The following ZNF804B variants were observed in gnomAD, a reference collection of about 807,000 sequenced individuals.
ZNF804B encodes the protein zinc finger 804B.
ZNF804B carries 80 observed loss-of-function variants against 101.4 expected under a neutral mutation model. The ratio of observed to expected loss-of-function variants is 0.79; its 90% CI spans 0.66 to 0.95. The LOEUF is 0.95. ZNF804B is among the 40% of genes least tolerant of loss of function. The probability of loss-of-function intolerance (pLI) is 0.00; values close to 1 mark genes in which losing one functional copy is unlikely to be tolerated. For missense variants in ZNF804B, 1,673 were observed against 1,561.9 expected (o/e 1.07, Z -1.20); for synonymous variants, 622 against 558.8 (o/e 1.11, Z -1.59).
intron 2 of ZNF804B, among the ~76,000 whole-genome samples, chr7:89,323,996 G>C (rs962972977): frequency 2.0e-5 from 3 of 152,000 alleles, no homozygotes; most frequent in African/African-American, 7.2e-5. Context: ...AAAACATGAG[G>C]CTGGCAAAAT....
chr7:89,178,006 C>T (rs1022724493), intron 1 of ZNF804B, among the ~76,000 whole-genome samples: 2 of 151,522 alleles, frequency 1.3e-5, no homozygotes, highest in African/African-American at 4.8e-5. Flanking sequence ...GATGAATTGA[C>T]CCCTTTATCA....
At chr7:89,033,115 C>T (rs1210142004) in intron 1 of ZNF804B, among the ~76,000 whole-genome samples, 1 of 151,832 alleles carries the variant, frequency 6.6e-6, no homozygotes, top group Admixed American at 6.6e-5. Flanking sequence ...CATCACCCCC[C>T]ACCACTTCCA....
At chr7:88,972,557 C>G (rs1027361337) in intron 1 of ZNF804B, among the ~76,000 whole-genome samples, 3 of 151,206 alleles carry the variant, frequency 2.0e-5, no homozygotes, top group Middle Eastern at 3.4e-3. Flanking sequence ...AAAAAAGTCC[C>G]CTGTTAATTA....
At chr7:88,938,363 A>G (rs1793004078) in intron 1 of ZNF804B, among the ~76,000 whole-genome samples, 1 of 152,114 alleles carries the variant, frequency 6.6e-6, no homozygotes. Flanking sequence ...AAAAAGATCT[A>G]GCTATGTTAA....
Position 89,336,478 on chromosome 7 carries a change from C to T in ZNF804B, c.3496C>T (p.Gln1166Ter), listed in dbSNP as rs1252918578. 6.2e-7 allele frequency: 1 copy of T among 1,614,054 alleles called. No individual in the cohort carries two copies. Among genetic ancestry groups the T allele is most frequent in the Non-Finnish European group, 8.5e-7 (1 of 1,180,006 alleles). ...DKYKILQLQA[Q>*]QHMQKQLLSK... ...ATATAAGATCCTACAGCTACAAGCC[C>T]AGCAGCATATGCAGAAGCAACTCCT... The change falls in exon 4 of 4, where the codon CAG becomes TAG. Residue 1166 changes from glutamine (Q) to a stop codon, truncating the protein, a stop_gained. Transcript: ENST00000333190. LOFTEE classifies it high-confidence loss of function.
intron 1 of ZNF804B, among the ~76,000 whole-genome samples, chr7:88,948,378 A>G (rs994783661): frequency 7.3e-6 from 1 of 136,212 alleles, no homozygotes; most frequent in African/African-American, 2.8e-5. Flanking sequence ...CGGTATGATC[A>G]TGGGCCATCG....
At chr7:89,164,041 A>C (rs149335992) in intron 1 of ZNF804B, among the ~76,000 whole-genome samples, 2 of 151,990 alleles carry the variant, frequency 1.3e-5, no homozygotes, top group African/African-American at 2.4e-5. Context: ...CTAAATTACT[A>C]TCTCTCAAAT....
At chr7:89,256,768 G>C (rs1381875195) in intron 2 of ZNF804B, among the ~76,000 whole-genome samples, 1 of 152,128 alleles carries the variant, frequency 6.6e-6, no homozygotes, top group Non-Finnish European at 1.5e-5. Context: ...TGAAAGTTAA[G>C]TGAGTGTTTT....
At chr7:89,040,006 G>A (rs1788991871) in intron 1 of ZNF804B, among the ~76,000 whole-genome samples, 2 of 151,730 alleles carry the variant, frequency 1.3e-5, no homozygotes, top group Non-Finnish European at 2.9e-5. Flanking sequence ...TCATGGATCT[G>A]GATATTCATT....
intron 1 of ZNF804B, among the ~76,000 whole-genome samples, chr7:89,002,402 G>T (rs1163082487): frequency 6.6e-6 from 1 of 151,724 alleles, no homozygotes; most frequent in Non-Finnish European, 1.5e-5. Flanking sequence ...TAACATGCTT[G>T]CATTTTTCTT....
chr7:88,768,403 T>G (rs1044813826), intron 1 of ZNF804B, among the ~76,000 whole-genome samples: 2 of 152,188 alleles, frequency 1.3e-5, no homozygotes, highest in African/African-American at 4.8e-5. Context: ...AAGTACATAT[T>G]TAGGCATTAA....
intron 1 of ZNF804B, among the ~76,000 whole-genome samples, chr7:88,993,345 C>T (rs191507937): frequency 4.6e-5 from 7 of 152,018 alleles, no homozygotes; most frequent in South Asian, 2.1e-4. Context: ...ATTATGTTGA[C>T]GTTTTACCAA....
chr7:88,929,245 G>A (rs1011320407), intron 1 of ZNF804B, among the ~76,000 whole-genome samples: 1 of 151,842 alleles, frequency 6.6e-6, no homozygotes, highest in Admixed American at 6.6e-5. Context: ...GGGGATGGGT[G>A]TGAGTGTGCT....
chr7:88,781,714 A>T (rs1317995091), intron 1 of ZNF804B, among the ~76,000 whole-genome samples: 2 of 151,472 alleles, frequency 1.3e-5, no homozygotes, highest in Non-Finnish European at 2.9e-5. Flanking sequence ...TCAAAGTCAC[A>T]GTTAGTGAGT....
At chr7:88,949,216 G>C (rs1001180368) in intron 1 of ZNF804B, among the ~76,000 whole-genome samples, 1 of 151,724 alleles carries the variant, frequency 6.6e-6, no homozygotes, top group African/African-American at 2.4e-5. Flanking sequence ...CTAGTCCAAG[G>C]TTTCTCAACC....
chr7:89,145,065 C>T (rs1374315214), intron 1 of ZNF804B, among the ~76,000 whole-genome samples: 1 of 151,708 alleles, frequency 6.6e-6, no homozygotes, highest in African/African-American at 2.4e-5. Flanking sequence ...ATGTTTTTGT[C>T]ATTGCACTCC....
At chr7:89,325,543 A>G (rs367934436) in intron 2 of ZNF804B, among the ~76,000 whole-genome samples, 6 of 152,062 alleles carry the variant, frequency 3.9e-5, no homozygotes, top group African/African-American at 1.4e-4. Context: ...TGTTAGATAA[A>G]CAATACAGAA....
chr7:89,333,620 C>T lies in ZNF804B; in HGVS notation c.638C>T (p.Ala213Val), dbSNP rs746882193. The change falls in exon 4 of 4, where the codon GCA becomes GTA. Residue 213 changes from alanine to valine, a missense_variant. Ala to Val is a moderately conservative substitution (Grantham distance 64). Transcript: ENST00000333190. The part of the protein sequence containing the change: ...VLQTSSDLSN[A>V]NHRTGVSFTF... ...CAAACATCTTCAGATCTCAGCAATG[C>T]AAATCACAGAACAGGAGTATCATTT... The T allele has an allele frequency of 6.2e-7, 1 of 1,613,558 alleles. No individual in the cohort carries two copies. Among genetic ancestry groups the T allele is most frequent in the Non-Finnish European group, 8.5e-7 (1 of 1,179,696 alleles).
intron 1 of ZNF804B, among the ~76,000 whole-genome samples, chr7:89,136,211 T>C (rs2116386437): frequency 6.6e-6 from 1 of 152,242 alleles, no homozygotes; most frequent in South Asian, 2.1e-4. Flanking sequence ...TCTCTTTTAG[T>C]TGAAGATCTC....
Sources: allele counts gnomAD v4.1 joint callset (sites outside exome capture counted in the v4.1 genomes callset), GRCh38; gene constraint gnomAD v4.1.1; transcripts MANE v1.5; gene names NCBI Gene and HGNC (gene_info 2026-07-23, HGNC 2026-07-21).